Variants in CLC observed in about 807,000 individuals in gnomAD.
CLC encodes the protein Charcot-Leyden crystal galectin, also known as galectin-10.
Under a neutral mutation model 13.9 loss-of-function variants are expected in CLC, and 15 were observed. The ratio of observed to expected loss-of-function variants is 1.08; its 90% CI spans 0.72 to 1.66. The LOEUF (loss-of-function observed/expected upper bound fraction) is 1.66. Ranked by LOEUF, CLC falls within the 40% of genes most tolerant of loss-of-function variation. CLC has a pLI of 0.00. For synonymous variants in CLC, 68 were observed against 59.9 expected, an observed-to-expected ratio of 1.14 and a Z score of -0.63; for missense variants, 161 against 169.1, an observed-to-expected ratio of 0.95 and a Z score of 0.27.
intron 3 of CLC, among the ~76,000 whole-genome samples, chr19:39,733,546 T>C (rs1380590711): frequency 1.3e-5 from 2 of 152,172 alleles, no homozygotes; most frequent in Non-Finnish European, 2.9e-5. Flanking sequence ...TCAGTGCTCT[T>C]GTAAAGGGTC....
Position 39,733,920 on chromosome 19 carries a change from A to G in CLC, c.303+363T>C, listed in dbSNP as rs965448671. 1.9e-5 allele frequency: 19 copies of G among 984,450 alleles called. No individual in the cohort carries two copies. The African/African-American group carries it at 2.6e-4, about 14-fold the overall frequency. 61.0% of individuals were successfully genotyped at this position (984,450 alleles called of 1,614,324 possible). A position where few individuals can be genotyped will look rare whatever the true frequency, so the allele number is the denominator to read the frequency against. On this transcript the variant is annotated intron_variant, in intron 3 of 3. Transcript: ENST00000221804. ...TTAGCTACATGAAAATTTAAATAAC[A>G]TCATAAGGGGAAGATAGAGGATATT...
chr19:39,732,484 G>C (rs113496513), intron 3 of CLC, among the ~76,000 whole-genome samples: 3,542 of 71,194 alleles, frequency 0.05, 144 homozygotes, highest in South Asian at 0.12. Context: ...GTCTATCATT[G>C]TTGGACATTT....
Position 39,734,229 on chromosome 19 carries a change from T to C in CLC, c.303+54A>G, listed in dbSNP as rs391646. ...TGGAGTTAGGGCATGAAGAGCTGCC[T>C]CCTGCTCTGAGATCCCATGGAAGCC... On this transcript the variant is annotated intron_variant, in intron 3 of 3. Coordinates refer to ENST00000221804, the MANE Select transcript of CLC (RefSeq NM_001828.6). 7 of 1,567,592 alleles carry C rather than the reference T, an allele frequency of 4.5e-6. No homozygotes were observed. The East Asian group carries it at 1.6e-4, about 35-fold the overall frequency.
chr19:39,734,549 G>C, intron 2 of CLC, 56 bp from the exon 3 acceptor site: 6 of 1,444,596 alleles, frequency 4.2e-6, no homozygotes, highest in Non-Finnish European at 4.9e-6. Context: ...GCACACACAA[G>C]ACACACACAC....
intron 2 of CLC, 90 bp downstream of exon 2, chr19:39,734,907 A>T: frequency 9.7e-7 from 1 of 1,026,652 alleles, no homozygotes; most frequent in South Asian, 1.4e-5. Flanking sequence ...TGCCAACTAG[A>T]CTTTCCACAT....
At position 39,735,081 on chromosome 19, in the gene CLC, G is replaced by A. The variant is rs777984791; in HGVS notation, c.16-8C>T. ...AGCCTCTGTGTATGGCACCTGCCAG[G>A]GGATTGAGAGTGGGTGAGAGAGGCA... On this transcript the variant is annotated splice_polypyrimidine_tract_variant and splice_region_variant and intron_variant, in intron 1 of 3. Coordinates refer to ENST00000221804, the MANE Select transcript of CLC (RefSeq NM_001828.6). 8 of 1,610,970 alleles carry A rather than the reference G, an allele frequency of 5.0e-6. No homozygotes were observed. The highest frequency in any genetic ancestry group is 3.3e-5 in the Admixed American group (2 of 60,000).
At chr19:39,732,798 G>A (rs1019667832) in intron 3 of CLC, among the ~76,000 whole-genome samples, 2 of 151,704 alleles carry the variant, frequency 1.3e-5, no homozygotes, top group East Asian at 3.9e-4. Flanking sequence ...GACGGTAAAC[G>A]TTAGACCTAA....
At position 39,732,085 on chromosome 19, in the gene CLC, AT is replaced by A. The variant is rs750321004; in HGVS notation, c.304-581del. Among the ~76,000 whole-genome samples the A allele has an allele frequency of 3.9e-3, 570 of 147,458 alleles. 9 individuals are homozygous for A. The highest frequency in any genetic ancestry group is 0.014 in the African/African-American group (546 of 39,366). On this transcript the variant is annotated intron_variant, in intron 3 of 3. Transcript: ENST00000221804. Reference sequence around the variant, plus strand: ...TTATTAAATTATTTATTTATTATTTATTTTTTTTATTATACTTTAAGTTTTA... The same window carrying A: ...TTATTAAATTATTTATTTATTATTTATTTTTTTATTATACTTTAAGTTTTA...
chr19:39,731,573 T>C, intron 3 of CLC, 68 bp from the exon 4 acceptor site: 2 of 1,520,290 alleles, frequency 1.3e-6, no homozygotes, highest in Non-Finnish European at 1.8e-6. Context: ...CTGCTCTCTA[T>C]GGTGTCATAG....
intron 1 of CLC, among the ~76,000 whole-genome samples, chr19:39,737,579 T>A (rs1367881388): frequency 1.3e-5 from 2 of 151,620 alleles, no homozygotes; most frequent in Non-Finnish European, 2.9e-5. Context: ...ACACACACAC[T>A]CACATCACAG....
chr19:39,734,726 T>A (rs1006017297), intron 2 of CLC, among the ~76,000 whole-genome samples: 1 of 152,178 alleles, frequency 6.6e-6, no homozygotes, highest in Non-Finnish European at 1.5e-5. Flanking sequence ...GTCATATGAA[T>A]TGCCCATTTT....
chr19:39,737,024 A>C (rs1462302991), intron 1 of CLC, among the ~76,000 whole-genome samples: 1 of 152,038 alleles, frequency 6.6e-6, no homozygotes, highest in Non-Finnish European at 1.5e-5. Context: ...ATGAATATCC[A>C]CTGTAAGCTC....
rs539872372 is a variant in CLC, at chr19:39,734,102, G to A, written c.303+181C>T. The stretch of plus-strand genomic sequence containing the variant: ...TGATAAAAGTAAAGGGAACCCCTGT[G>A]TGTGTGATAAAAAGCCTGGGACAGG... On this transcript the variant is annotated intron_variant, in intron 3 of 3. Transcript: ENST00000221804. 9.2e-6 allele frequency: 9 copies of A among 982,298 alleles called. No individual in the cohort carries two copies. The East Asian group carries it at 9.1e-4, about 99-fold the overall frequency. 60.8% of individuals were successfully genotyped at this position (982,298 alleles called of 1,614,324 possible). A position where few individuals can be genotyped will look rare whatever the true frequency, so the allele number is the denominator to read the frequency against.
In CLC at chr19:39,737,940, G is replaced by T; in HGVS notation, c.13C>A (p.Pro5Thr). 1 of 1,612,698 alleles carries T rather than the reference G, an allele frequency of 6.2e-7. No homozygotes were observed. The highest frequency in any genetic ancestry group is 2.2e-5 in the East Asian group (1 of 44,876). The change falls in exon 1 of 4, where the codon CCC becomes ACC. Residue 5 changes from proline (P) to threonine (T), a missense_variant and splice_region_variant. Coordinates refer to ENST00000221804, the MANE Select transcript of CLC (RefSeq NM_001828.6). The stretch of plus-strand genomic sequence containing the variant: ...AAGGCTGTGCCTTTTTAACTCACGG[G>T]TAGCAGGGACATTGTTGTCTCCTTC... MSLLPVPYTEAASLS... is the reference protein window; with the variant it reads MSLLTVPYTEAASLS...
chr19:39,737,878 C>A, intron 1 of CLC, 60 bp downstream of exon 1: 1 of 1,536,238 alleles, frequency 6.5e-7, no homozygotes, highest in Admixed American at 1.9e-5. Context: ...CCCATAAAAT[C>A]TCCCTCTTCC....
Position 39,731,275 on chromosome 19 carries a change from A to T in CLC, c.*105T>A. On this transcript the variant is annotated 3_prime_UTR_variant, in exon 4 of 4. Coordinates refer to ENST00000221804, the MANE Select transcript of CLC (RefSeq NM_001828.6). ...TTCTGTGAAGTTTGATTAAGTTTTAATGAGCAGGAGTAAGGATTGAAGTGA... is the reference window on the plus strand; with the variant it reads ...TTCTGTGAAGTTTGATTAAGTTTTATTGAGCAGGAGTAAGGATTGAAGTGA... The T allele has an allele frequency of 1.6e-6, 2 of 1,250,512 alleles. No homozygotes were observed. Among genetic ancestry groups the T allele is most frequent in the Non-Finnish European group, 2.3e-6 (2 of 871,796 alleles). 77.5% of individuals were successfully genotyped at this position (1,250,512 alleles called of 1,614,324 possible).
At chr19:39,734,070 A>G in intron 3 of CLC, 2 of 985,322 alleles carry the variant, frequency 2.0e-6, no homozygotes, top group East Asian at 1.1e-4. Flanking sequence ...TGAATGAGAG[A>G]GGGAAATGAT....
intron 3 of CLC, among the ~76,000 whole-genome samples, chr19:39,732,273 T>C (rs1253299290): frequency 9.7e-6 from 1 of 103,342 alleles, no homozygotes; most frequent in African/African-American, 4.0e-5. Flanking sequence ...GATATTCCCC[T>C]TCCTGTGTCC....
chr19:39,732,181 C>T (rs1967237127), intron 3 of CLC, among the ~76,000 whole-genome samples: 1 of 113,422 alleles, frequency 8.8e-6, no homozygotes, highest in Admixed American at 7.9e-5. Flanking sequence ...TCTGCACCCA[C>T]TAACTCGTCA....
Sources: allele counts gnomAD v4.1 joint callset (sites outside exome capture counted in the v4.1 genomes callset), GRCh38; gene constraint gnomAD v4.1.1; transcripts MANE v1.5; gene names NCBI Gene and HGNC (gene_info 2026-07-23, HGNC 2026-07-21).